The following CAPN2 variants were observed in gnomAD, a reference collection of about 807,000 sequenced individuals.
CAPN2 encodes the protein calpain-2 catalytic subunit.
CAPN2 carries 92 observed loss-of-function variants against 102.3 expected under a neutral mutation model. The ratio of observed to expected loss-of-function variants is 0.90; its 90% CI spans 0.76 to 1.07. CAPN2 has a LOEUF of 1.07. Among genes scored for constraint, CAPN2 ranks in the 50% least tolerant of loss-of-function variants. The pLI is 0.00. For synonymous variants in CAPN2, 340 were observed against 355.4 expected (o/e 0.96, Z 0.49); for missense variants, 800 against 909.4 (o/e 0.88, Z 1.55).
chr1:223,758,695 G>GTT (rs950827913), intron 11 of CAPN2: 4 of 142,856 alleles, frequency 2.8e-5, no homozygotes, highest in Non-Finnish European at 6.1e-5. Context: ...TTTGCTTTTT[G>GTT]TTTTTTTTTT....
intron 15 of CAPN2, 76 bp downstream of exon 15, chr1:223,764,283 C>G: frequency 7.7e-7 from 1 of 1,293,142 alleles, no homozygotes. Context: ...AATCTTTCCC[C>G]CTCCATGTCT....
rs1274239122 is a variant in CAPN2 at position 223,767,813 on chromosome 1, A to G, written c.1755+1382A>G. ...TAGTTTACAGTCCCACCAACAGTGTAAAAGTGTTCCTATTTCTCCACATCC... is the reference window on the plus strand; with the variant it reads ...TAGTTTACAGTCCCACCAACAGTGTGAAAGTGTTCCTATTTCTCCACATCC... On this transcript the variant is annotated intron_variant, in intron 16 of 20. Coordinates refer to ENST00000295006, the MANE Select transcript of CAPN2 (RefSeq NM_001748.5). Among the ~76,000 whole-genome samples, 6 of 149,918 alleles carry G rather than the reference A, an allele frequency of 4.0e-5. No individual in the cohort carries two copies. In the East Asian group the frequency reaches 1.2e-3, roughly 30 times the overall value.
chr1:223,771,069 A>T (rs1661458472), intron 18 of CAPN2: 1 of 153,182 alleles, frequency 6.5e-6, no homozygotes, highest in Non-Finnish European at 1.5e-5. Flanking sequence ...TAGCAATCCC[A>T]GCTCCAGCAG....
At chr1:223,746,937 TGA>T (rs1660764091) in intron 4 of CAPN2, 58 bp from the exon 5 acceptor site, 1 of 1,483,556 alleles carries the variant, frequency 6.7e-7, no homozygotes, top group African/African-American at 1.4e-5. Context: ...GGTGGCTGTT[TGA>T]GAGATTATAG....
chr1:223,719,399 C>T (rs949362592), intron 2 of CAPN2, among the ~76,000 whole-genome samples: 7 of 152,116 alleles, frequency 4.6e-5, no homozygotes, highest in African/African-American at 7.2e-5. Flanking sequence ...ATTAGCTGGA[C>T]GTGGTGGTGG....
chr1:223,767,167 G>A (rs1222152), intron 16 of CAPN2, among the ~76,000 whole-genome samples: 7 of 149,300 alleles, frequency 4.7e-5, no homozygotes, highest in Non-Finnish European at 8.9e-5. Flanking sequence ...CAAGATCGTC[G>A]TCTTCTTTAT....
intron 2 of CAPN2, among the ~76,000 whole-genome samples, chr1:223,735,008 G>A (rs918795703): frequency 6.6e-6 from 1 of 152,134 alleles, no homozygotes; most frequent in Admixed American, 6.5e-5. Context: ...CTAGAAAACA[G>A]CATGTGTTTG....
intron 3 of CAPN2, 74 bp downstream of exon 3, chr1:223,744,292 G>A (rs1216613634): frequency 2.1e-6 from 2 of 937,474 alleles, no homozygotes; most frequent in Admixed American, 3.4e-5. Flanking sequence ...GCTTGGCTGG[G>A]TTCATCAGTC....
chr1:223,752,309 G>A (rs968241352), intron 8 of CAPN2, among the ~76,000 whole-genome samples: 2 of 152,168 alleles, frequency 1.3e-5, no homozygotes, highest in Admixed American at 1.3e-4. Context: ...TTCAGAAAAA[G>A]GCTAAGAGGA....
At chr1:223,748,330 G>A (rs1482676698) in intron 5 of CAPN2, among the ~76,000 whole-genome samples, 1 of 152,168 alleles carries the variant, frequency 6.6e-6, no homozygotes, top group East Asian at 1.9e-4. Flanking sequence ...GGCTTTTGGA[G>A]CCAAAATCTA....
Position 223,732,812 on chromosome 1 carries a change from C to T in CAPN2, c.308-11288C>T, listed in dbSNP as rs116234195. On this transcript the variant is annotated intron_variant, in intron 2 of 20. Coordinates refer to ENST00000295006, the MANE Select transcript of CAPN2 (RefSeq NM_001748.5). ...GGTGGGGACGTTAGCATTATAATGACATGGTAAAGTTCTGAAGGTAACAAG... is the reference window on the plus strand; with the variant it reads ...GGTGGGGACGTTAGCATTATAATGATATGGTAAAGTTCTGAAGGTAACAAG... Among the ~76,000 whole-genome samples, 1,069 of 152,174 alleles carry T rather than the reference C, an allele frequency of 7.0e-3. 2 individuals are homozygous for T. The highest frequency in any genetic ancestry group is 0.011 in the Non-Finnish European group (748 of 67,996).
At chr1:223,741,537 C>A (rs560398033) in intron 2 of CAPN2, among the ~76,000 whole-genome samples, 69 of 150,870 alleles carry the variant, frequency 4.6e-4, no homozygotes, top group African/African-American at 1.6e-3. Context: ...TCACTGCAAC[C>A]TCCGCTTCCT....
At chr1:223,721,344 G>C (rs559787623) in intron 2 of CAPN2, among the ~76,000 whole-genome samples, 2 of 152,140 alleles carry the variant, frequency 1.3e-5, no homozygotes, top group Non-Finnish European at 2.9e-5. Flanking sequence ...TGGCTCCCAA[G>C]GACCCAGGAA....
rs778826149 is a variant in CAPN2, at chr1:223,755,572, G to T, written c.1228G>T (p.Gly410Trp). The T allele has an allele frequency of 6.2e-7, 1 of 1,613,886 alleles. No individual in the cohort carries two copies. Among genetic ancestry groups the T allele is most frequent in the African/African-American group, 1.3e-5 (1 of 75,052 alleles). The change falls in exon 10 of 21, where the codon GGG becomes TGG. Residue 410 changes from glycine (G) to tryptophan (W), a missense_variant. Physicochemically the swap from Gly to Trp is radical, Grantham distance 184 (BLOSUM62 -2). Transcript: ENST00000295006. This position sits in a 1 kb window ranked among gnomAD's most constrained non-coding sequence, Gnocchi z 4.1. ...DGESGCTFLV[G>W]LIQKHRRRQR... The stretch of plus-strand genomic sequence containing the variant: ...GGAGAGCGGCTGCACCTTCCTGGTG[G>T]GGCTCATTCAGAAGCACCGACGGCG...
chr1:223,720,273 G>T (rs1660016089), intron 2 of CAPN2, among the ~76,000 whole-genome samples: 1 of 150,410 alleles, frequency 6.6e-6, no homozygotes, highest in South Asian at 2.1e-4. Context: ...GTGCTAGAGG[G>T]TTAGAGCACT....
rs111858785 is a variant in CAPN2, at chr1:223,747,324, C to T, written c.729+159C>T. Among the ~76,000 whole-genome samples, 317 of 152,216 alleles carry T rather than the reference C, an allele frequency of 2.1e-3. 3 individuals carry two copies. The highest frequency in any genetic ancestry group is 7.4e-3 in the African/African-American group (306 of 41,528). On this transcript the variant is annotated intron_variant, in intron 5 of 20. Coordinates refer to ENST00000295006, the MANE Select transcript of CAPN2 (RefSeq NM_001748.5). ...AACCTCCCTCCACCCTCTGAAGGTC[C>T]GCTGAAAATCAACTGGCAAAAGGAA...
At chr1:223,737,870 G>A (rs1276214381) in intron 2 of CAPN2, among the ~76,000 whole-genome samples, 2 of 152,002 alleles carry the variant, frequency 1.3e-5, no homozygotes, top group African/African-American at 4.8e-5. Context: ...CTACAGATGG[G>A]CCCTATACTT....
intron 7 of CAPN2, 96 bp downstream of exon 7, chr1:223,751,071 T>C (rs1490826811): frequency 6.4e-6 from 7 of 1,099,778 alleles, no homozygotes; most frequent in African/African-American, 4.7e-5. Flanking sequence ...TGCATTATTC[T>C]GAGAAATATA....
At position 223,772,207 on chromosome 1, in the gene CAPN2, A is replaced by C; in HGVS notation, c.2047A>C (p.Asn683His). The C allele has an allele frequency of 6.2e-7, 1 of 1,614,078 alleles. No homozygotes were observed. The highest frequency in any genetic ancestry group is 8.5e-7 in the Non-Finnish European group (1 of 1,180,006). ...FKIFKQLDPE[N>H]TGTIELDLIS... ...GATATTTAAGCAGCTGGATCCCGAG[A>C]ATACTGGAACAATAGAGCTCGACCT... Residue 683 changes from asparagine (N) to histidine (H), a missense_variant, in exon 20 of 21, where the codon AAT becomes CAT. By Grantham distance (68) the Asn-to-His change is moderately conservative. Coordinates refer to ENST00000295006, the MANE Select transcript of CAPN2 (RefSeq NM_001748.5).
Sources: allele counts gnomAD v4.1 joint callset (sites outside exome capture counted in the v4.1 genomes callset), GRCh38; gene constraint gnomAD v4.1.1; non-coding constraint Gnocchi (gnomAD v3.1); transcripts MANE v1.5; gene names NCBI Gene and HGNC (gene_info 2026-07-23, HGNC 2026-07-21).